TECTA: variants seen among roughly 807,000 people sequenced by gnomAD.
TECTA encodes the protein tectorin alpha.
In TECTA, 128 loss-of-function variants were observed where a neutral mutation model predicts 216.8. The observed-to-expected ratio is 0.59, with a 90% CI of 0.51 to 0.68. The LOEUF (loss-of-function observed/expected upper bound fraction) is 0.68. Among genes scored for constraint, TECTA ranks in the 30% least tolerant of loss-of-function variants. TECTA has a pLI of 0.00. For synonymous variants in TECTA, 1,089 were observed against 1,117.1 expected (o/e 0.97, Z 0.50); for missense variants, 2,551 against 2,786.2 (o/e 0.92, Z 1.90).
chr11:121,144,775 G>A (rs771344715), intron 11 of TECTA, among the ~76,000 whole-genome samples: 2 of 152,154 alleles, frequency 1.3e-5, no homozygotes, highest in Non-Finnish European at 2.9e-5. Flanking sequence ...GTAATGAGGG[G>A]AAGGTGGGCA....
In TECTA at chr11:121,128,077, C is replaced by A; in HGVS notation, c.2100C>A (p.Asp700Glu). The change falls in exon 9 of 24, where the codon GAC becomes GAA. Residue 700 changes from aspartate to glutamate, a missense_variant. Asp to Glu is a conservative substitution (Grantham distance 45, BLOSUM62 2). This residue lies in a region of TECTA where 2,375 missense variants were observed against 2,563.9 expected (regional missense o/e 0.93). Transcript: ENST00000392793. The stretch of plus-strand genomic sequence containing the variant: ...GCGGGGAGGTGTGCGCCGTGGAGGA[C>A]GGCTACCAGGGCTGCTTCCCCAAGC... Reference protein sequence around the residue: ...CGSGEVCAVEDGYQGCFPKRE... With the variant: ...CGSGEVCAVEEGYQGCFPKRE... The A allele has an allele frequency of 6.2e-7, 1 of 1,612,672 alleles. No individual in the cohort carries two copies. Among genetic ancestry groups the A allele is most frequent in the East Asian group, 2.2e-5 (1 of 44,876 alleles).
intron 18 of TECTA, among the ~76,000 whole-genome samples, chr11:121,167,421 C>T (rs549628729): frequency 1.3e-5 from 2 of 152,106 alleles, no homozygotes; most frequent in East Asian, 3.9e-4. Flanking sequence ...GATAGTGAGA[C>T]CCTGTTGCTA....
At chr11:121,157,770 G>T in intron 13 of TECTA, 71 bp from the exon 14 acceptor site, 1 of 1,608,460 alleles carries the variant, frequency 6.2e-7, no homozygotes, top group South Asian at 1.1e-5. Flanking sequence ...AAAAGACGAG[G>T]GGGACTGGGC....
chr11:121,160,025 A>G, intron 14 of TECTA, 110 bp from the exon 15 acceptor site: 1 of 1,245,056 alleles, frequency 8.0e-7, no homozygotes, highest in South Asian at 1.3e-5. Flanking sequence ...TCGTTGAGAC[A>G]GAGATCACAG....
At chr11:121,156,406 C>T (rs922085262) in intron 13 of TECTA, among the ~76,000 whole-genome samples, 34 of 152,126 alleles carry the variant, frequency 2.2e-4, no homozygotes, top group Middle Eastern at 3.4e-3. Context: ...TGTAATGGCA[C>T]GATCTAGGCT....
intron 20 of TECTA, among the ~76,000 whole-genome samples, chr11:121,176,850 A>G (rs907010553): frequency 1.3e-5 from 2 of 152,034 alleles, no homozygotes; most frequent in African/African-American, 2.4e-5. Context: ...ATAGTCCCAC[A>G]TTTCTTGGAG....
chr11:121,119,642 G>A (rs1473132145), intron 7 of TECTA, among the ~76,000 whole-genome samples: 1 of 152,208 alleles, frequency 6.6e-6, no homozygotes, highest in East Asian at 1.9e-4. Context: ...TAATCCCCAT[G>A]CATGGAGGTC....
chr11:121,144,254 G>A (rs1946812814), intron 11 of TECTA, among the ~76,000 whole-genome samples: 2 of 152,194 alleles, frequency 1.3e-5, no homozygotes. Flanking sequence ...TCAAGCCCTG[G>A]AGAGGGCTTT....
intron 20 of TECTA, among the ~76,000 whole-genome samples, chr11:121,181,509 G>T (rs1947229218): frequency 6.7e-6 from 1 of 149,380 alleles, no homozygotes. Flanking sequence ...TGCTCTTGTT[G>T]CCCATGCTGG....
rs188977137 is a variant in TECTA, at chr11:121,124,448, C to G, written c.1204-854C>G. Among the ~76,000 whole-genome samples, 294 of 152,294 alleles carry G rather than the reference C, an allele frequency of 1.9e-3. 2 individuals carry two copies. The highest frequency in any genetic ancestry group is 6.7e-3 in the African/African-American group (277 of 41,562). ...TTTCTCTGCCCTTCCCCCACTCTTC[C>G]TTTGGCCACTTCTGTTTATCTTTAA... On this transcript the variant is annotated intron_variant, in intron 7 of 23. Coordinates refer to ENST00000392793, the MANE Select transcript of TECTA (RefSeq NM_005422.4).
chr11:121,135,503 A>G (rs952191018), intron 10 of TECTA, among the ~76,000 whole-genome samples: 1 of 152,254 alleles, frequency 6.6e-6, no homozygotes, highest in Non-Finnish European at 1.5e-5. Flanking sequence ...CCCTCTACAC[A>G]GACATATATA....
chr11:121,130,996 C>T (rs376284287), intron 10 of TECTA, among the ~76,000 whole-genome samples: 3 of 149,332 alleles, frequency 2.0e-5, no homozygotes, highest in Admixed American at 1.3e-4. Flanking sequence ...AGGTGGATCA[C>T]GAGGTCAGGA....
chr11:121,102,830 G>T, intron 2 of TECTA, 101 bp downstream of exon 2: 2 of 968,256 alleles, frequency 2.1e-6, no homozygotes, highest in Non-Finnish European at 1.7e-6. Context: ...AGGTGCATGT[G>T]TGTCTACAGA....
chr11:121,127,811 G>C lies in TECTA; in HGVS notation c.1834G>C (p.Asp612His). The change falls in exon 9 of 24, where the codon GAC (aspartate) becomes CAC (histidine). Residue 612 changes from aspartate to histidine, a missense_variant. Physicochemically the swap from Asp to His is moderately conservative, Grantham distance 81. Around this residue, in one of 3 missense-constraint regions of TECTA, gnomAD observed 2,375 missense variants for 2,563.9 expected, o/e 0.93. Coordinates refer to ENST00000392793, the MANE Select transcript of TECTA (RefSeq NM_005422.4). The surrounding 1 kb of genome is among the most constrained non-coding windows in gnomAD (Gnocchi z 5.0). Reference sequence around the variant, plus strand: ...CTCCGTGTGCACAAGCAGCTGCCCCGACACATGCTCCGACCTGACGGCCTC... The same window carrying C: ...CTCCGTGTGCACAAGCAGCTGCCCCCACACATGCTCCGACCTGACGGCCTC... The part of the protein sequence containing the change: ...HYSVCTSSCP[D>H]TCSDLTASRN... 6.2e-7 allele frequency: 1 copy of C among 1,614,110 alleles called. No individual in the cohort carries two copies. The highest frequency in any genetic ancestry group is 1.1e-5 in the South Asian group (1 of 91,080).
At chr11:121,175,161 T>C (rs1444042654) in intron 20 of TECTA, among the ~76,000 whole-genome samples, 1 of 152,098 alleles carries the variant, frequency 6.6e-6, no homozygotes, top group Non-Finnish European at 1.5e-5. Context: ...TTCATTAATT[T>C]TTTGAAGGGT....
At chr11:121,141,547 G>C (rs750990236) in intron 11 of TECTA, among the ~76,000 whole-genome samples, 1 of 152,162 alleles carries the variant, frequency 6.6e-6, no homozygotes, top group African/African-American at 2.4e-5. Flanking sequence ...TGGGGGCACC[G>C]CCATAGCCCA....
chr11:121,108,211 C>A (rs1017277835), intron 3 of TECTA, among the ~76,000 whole-genome samples: 14 of 151,904 alleles, frequency 9.2e-5, no homozygotes, highest in Non-Finnish European at 1.6e-4. Flanking sequence ...TATTAGTGAC[C>A]CTGAATCTGT....
chr11:121,130,212 GTAAGT>G lies in TECTA; in HGVS notation c.2941+3_2941+7del. On this transcript the variant is annotated splice_donor_variant and splice_donor_5th_base_variant and intron_variant, in intron 10 of 23. Coordinates refer to ENST00000392793, the MANE Select transcript of TECTA (RefSeq NM_005422.4). LOFTEE classifies it high-confidence loss of function. ...CCCTGGCGGACCTATGACTTCTGCC[GTAAGT>G]TGGGGTTGGATTCTGGGAGAGGCTT... The G allele has an allele frequency of 6.3e-7, 1 of 1,599,834 alleles. No homozygotes were observed.
At chr11:121,180,144 T>C (rs1030478006) in intron 20 of TECTA, among the ~76,000 whole-genome samples, 2 of 151,928 alleles carry the variant, frequency 1.3e-5, no homozygotes, top group African/African-American at 4.8e-5. Flanking sequence ...TCATTTATTA[T>C]TGTAGTTTGG....
Sources: gnomAD v4.1 joint callset for allele counts (sites outside exome capture counted in the v4.1 genomes callset) on GRCh38, gnomAD v4.1.1 for gene constraint, gnomAD v4.1.1 regional missense constraint, Gnocchi (gnomAD v3.1) non-coding constraint, MANE v1.5 for transcripts, NCBI Gene and HGNC (gene_info 2026-07-23, HGNC 2026-07-21) for gene names.